SLCO4C1: variants seen among roughly 807,000 people sequenced by gnomAD.
The protein encoded by SLCO4C1 is solute carrier organic anion transporter family member 4C1, also known as organic anion transporter M1.
SLCO4C1 carries 58 observed loss-of-function variants against 72.1 expected under a neutral mutation model. The ratio of observed to expected loss-of-function variants is 0.80; its 90% CI spans 0.65 to 1.00. The LOEUF (loss-of-function observed/expected upper bound fraction) is 1.00. SLCO4C1 is among the 50% of genes least tolerant of loss of function. SLCO4C1 has a pLI of 0.00. For synonymous variants in SLCO4C1, 297 were observed against 312.5 expected (o/e 0.95, Z 0.52); for missense variants, 898 against 857.9 (o/e 1.05, Z -0.58).
intron 8 of SLCO4C1, among the ~76,000 whole-genome samples, chr5:102,254,333 T>G (rs894470264): frequency 2.0e-5 from 3 of 152,212 alleles, no homozygotes; most frequent in African/African-American, 7.2e-5. Context: ...GTCTATCAAG[T>G]GCCATTTTTC....
At position 102,261,966 on chromosome 5, in the gene SLCO4C1, T is replaced by C; in HGVS notation, c.967A>G (p.Ile323Val). 6.2e-7 allele frequency: 1 copy of C among 1,613,108 alleles called. No individual in the cohort carries two copies. Among genetic ancestry groups the C allele is most frequent in the East Asian group, 2.2e-5 (1 of 44,724 alleles). Residue 323 changes from isoleucine to valine, a missense_variant, in exon 5 of 13, where the codon ATC becomes GTC. Physicochemically the swap from Ile to Val is conservative, Grantham distance 29 (BLOSUM62 3). Coordinates refer to ENST00000310954, the MANE Select transcript of SLCO4C1 (RefSeq NM_180991.5). The part of the protein sequence containing the change: ...AWWIGFLLSW[I>V]FAWSLIIPFS... Reference sequence around the variant, plus strand: ...GGTATTATTAAAGACCAAGCAAAGATCCATGATAGAAGAAACCCAATCCAC... The same window carrying C: ...GGTATTATTAAAGACCAAGCAAAGACCCATGATAGAAGAAACCCAATCCAC...
chr5:102,245,671 T>A (rs1000116594), intron 10 of SLCO4C1, among the ~76,000 whole-genome samples: 20 of 152,302 alleles, frequency 1.3e-4, no homozygotes, highest in African/African-American at 4.6e-4. Context: ...TCAGACTTAA[T>A]CTGTACTATA....
chr5:102,289,987 T>G (rs1749523565), intron 2 of SLCO4C1, among the ~76,000 whole-genome samples: 1 of 152,222 alleles, frequency 6.6e-6, no homozygotes. Flanking sequence ...AGATTAATAC[T>G]TTAATATTGT....
intron 2 of SLCO4C1, among the ~76,000 whole-genome samples, chr5:102,282,107 G>A (rs868822809): frequency 6.6e-6 from 1 of 151,968 alleles, no homozygotes; most frequent in African/African-American, 2.4e-5. Context: ...ACAACAACAT[G>A]ATGAGTATTC....
At chr5:102,274,577 G>A (rs932584292) in intron 2 of SLCO4C1, among the ~76,000 whole-genome samples, 4 of 152,074 alleles carry the variant, frequency 2.6e-5, no homozygotes, top group African/African-American at 9.7e-5. Context: ...GGGCAGAATG[G>A]ACTCTGCTGT....
intron 2 of SLCO4C1, among the ~76,000 whole-genome samples, chr5:102,290,452 C>A (rs537603851): frequency 3.8e-4 from 58 of 152,326 alleles, no homozygotes; most frequent in Admixed American, 1.1e-3. Context: ...GACCCAAACA[C>A]CTCCCTCCAA....
intron 2 of SLCO4C1, among the ~76,000 whole-genome samples, chr5:102,290,620 A>G (rs1020148625): frequency 1.3e-5 from 2 of 152,246 alleles, no homozygotes; most frequent in Admixed American, 1.3e-4. Context: ...AAGTAAGTGA[A>G]TAAAGCCTCT....
At chr5:102,239,803 G>A (rs762261010) in intron 11 of SLCO4C1, among the ~76,000 whole-genome samples, 1 of 151,988 alleles carries the variant, frequency 6.6e-6, no homozygotes, top group Non-Finnish European at 1.5e-5. Flanking sequence ...GTGTGCATGT[G>A]TATATAAACT....
At position 102,260,326 on chromosome 5, in the gene SLCO4C1, A is replaced by G; in HGVS notation, c.1022-7T>C. 2.7e-6 allele frequency: 1 copy of G among 372,950 alleles called. No homozygotes were observed. The highest frequency in any genetic ancestry group is 6.1e-5 in the East Asian group (1 of 16,350). 23.1% of individuals were successfully genotyped at this position (372,950 alleles called of 1,614,324 possible). ...GCTTGAATTTCTGCTGTACCTAAAA[A>G]AAAAATATATATATATATATAATAT... is the stretch of plus-strand genomic sequence containing the variant. On this transcript the variant is annotated splice_region_variant and splice_polypyrimidine_tract_variant and intron_variant, in intron 5 of 12. Transcript: ENST00000310954.
intron 2 of SLCO4C1, 77 bp downstream of exon 2, chr5:102,291,266 A>C: frequency 7.0e-7 from 1 of 1,428,088 alleles, no homozygotes; most frequent in Non-Finnish European, 9.6e-7. Flanking sequence ...GTGTAAGTGA[A>C]TTGCAATATA....
chr5:102,266,311 T>A (rs1389863006), intron 3 of SLCO4C1, among the ~76,000 whole-genome samples: 1 of 152,160 alleles, frequency 6.6e-6, no homozygotes, highest in African/African-American at 2.4e-5. Flanking sequence ...CTTGCCTAAG[T>A]GCTCTGAATA....
intron 8 of SLCO4C1, among the ~76,000 whole-genome samples, chr5:102,251,464 A>G (rs1748737732): frequency 6.6e-6 from 1 of 152,124 alleles, no homozygotes; most frequent in African/African-American, 2.4e-5. Flanking sequence ...CTTCCTGTTA[A>G]AAATGGAAGA....
intron 10 of SLCO4C1, among the ~76,000 whole-genome samples, chr5:102,242,993 C>T (rs374357866): frequency 2.6e-5 from 4 of 152,146 alleles, no homozygotes; most frequent in African/African-American, 9.7e-5. Context: ...TGAGTCCCAG[C>T]CCAGCCAGCA....
Position 102,291,516 on chromosome 5 carries a change from G to C in SLCO4C1, c.446C>G (p.Ser149Ter), listed in dbSNP as rs144992469. 1 of 1,614,070 alleles carries C rather than the reference G, an allele frequency of 6.2e-7. No individual in the cohort carries two copies. The highest frequency in any genetic ancestry group is 1.1e-5 in the South Asian group (1 of 91,078). ...CAAACAGAATGAAATATCGTAGCTT[G>C]ATGAAATCAGGCCAGTCAGGGAACT... is the stretch of plus-strand genomic sequence containing the variant. ...MKSSLTGLISSSYDISFCLLS... is the reference protein window; with the variant it reads ...MKSSLTGLIS Residue 149 changes from serine (S) to a stop codon, truncating the protein, a stop_gained, in exon 2 of 13, where the codon TCA becomes TGA. Coordinates refer to ENST00000310954, the MANE Select transcript of SLCO4C1 (RefSeq NM_180991.5). LOFTEE classifies it high-confidence loss of function.
intron 2 of SLCO4C1, among the ~76,000 whole-genome samples, chr5:102,283,061 C>T (rs943767711): frequency 6.6e-6 from 1 of 151,718 alleles, no homozygotes; most frequent in Non-Finnish European, 1.5e-5. Context: ...CTGAGCTACA[C>T]CAAATGAATT....
chr5:102,290,729 C>G (rs1441531539), intron 2 of SLCO4C1, among the ~76,000 whole-genome samples: 1 of 152,140 alleles, frequency 6.6e-6, no homozygotes, highest in Non-Finnish European at 1.5e-5. Flanking sequence ...TTTCATTTGT[C>G]CACCGTTCTG....
chr5:102,277,229 A>G (rs1021618146), intron 2 of SLCO4C1, among the ~76,000 whole-genome samples: 2 of 152,048 alleles, frequency 1.3e-5, no homozygotes, highest in Non-Finnish European at 2.9e-5. Flanking sequence ...AAAAACTGCA[A>G]TCTCACCCAC....
chr5:102,283,379 T>TAA (rs2112393126), intron 2 of SLCO4C1, among the ~76,000 whole-genome samples: 1 of 152,066 alleles, frequency 6.6e-6, no homozygotes, highest in East Asian at 1.9e-4. Flanking sequence ...AGCAAAAACT[T>TAA]AAACTCACTT....
intron 11 of SLCO4C1, among the ~76,000 whole-genome samples, chr5:102,240,444 T>C (rs1353874145): frequency 1.3e-5 from 2 of 152,122 alleles, no homozygotes; most frequent in Admixed American, 6.6e-5. Context: ...AAATTATGTG[T>C]TGATGATCAT....
Sources: gnomAD v4.1 joint callset for allele counts (sites outside exome capture counted in the v4.1 genomes callset) on GRCh38, gnomAD v4.1.1 for gene constraint, MANE v1.5 for transcripts, NCBI Gene and HGNC (gene_info 2026-07-23, HGNC 2026-07-21) for gene names.